C11orf65: variants seen among roughly 807,000 people sequenced by gnomAD.
C11orf65 encodes the protein protein MFI.
A neutral mutation model predicts 35.3 loss-of-function variants in C11orf65; 38 were observed. The ratio of observed to expected loss-of-function variants is 1.08; its 90% confidence interval spans 0.83 to 1.41. The LOEUF is 1.41. Among genes scored for constraint, C11orf65 ranks in the 40% most tolerant of loss-of-function variants. C11orf65 has a pLI of 0.00. For synonymous variants in C11orf65, 105 were observed against 114.4 expected (o/e 0.92, Z 0.53); for missense variants, 370 against 367.1 (o/e 1.01, Z -0.06).
At chr11:108,388,444 T>C (rs964732929) in intron 7 of C11orf65, among the ~76,000 whole-genome samples, 1 of 152,158 alleles carries the variant, frequency 6.6e-6, no homozygotes, top group African/African-American at 2.4e-5. Flanking sequence ...TTATCAAGTG[T>C]GTGTGCAGTC....
intron 2 of C11orf65, among the ~76,000 whole-genome samples, chr11:108,357,878 C>T (rs200143719): frequency 9.9e-5 from 15 of 151,230 alleles, no homozygotes; most frequent in African/African-American, 3.6e-4. Context: ...AACTCTAAAA[C>T]GCAGAGCACC....
intron 2 of C11orf65, among the ~76,000 whole-genome samples, chr11:108,357,091 C>G (rs553013615): frequency 1.4e-4 from 21 of 152,368 alleles, no homozygotes; most frequent in Non-Finnish European, 2.4e-4. Flanking sequence ...GGTGCACGCA[C>G]TGTGCGCGAA....
intron 2 of C11orf65, among the ~76,000 whole-genome samples, chr11:108,377,381 A>C (rs1356121783): frequency 6.6e-6 from 1 of 152,204 alleles, no homozygotes; most frequent in East Asian, 1.9e-4. Flanking sequence ...GACAAAAAAC[A>C]CATGATTATC....
intron 3 of C11orf65, among the ~76,000 whole-genome samples, chr11:108,419,389 C>T (rs2092784333): frequency 6.6e-6 from 1 of 152,174 alleles, no homozygotes; most frequent in South Asian, 2.1e-4. Flanking sequence ...AATTTAGCAT[C>T]TGTTCTTGGA....
downstream of C11orf65, among the ~76,000 whole-genome samples, chr11:108,379,976 C>T (rs1193364819): frequency 6.6e-6 from 1 of 152,142 alleles, no homozygotes; most frequent in African/African-American, 2.4e-5. Context: ...TTACATGAGA[C>T]ATTTGGGAAT....
In C11orf65 at chr11:108,319,900, T is replaced by C. The variant is rs116924981; in HGVS notation, c.641-10829A>G. ...CCTTTGGTGAAGCTATTTATACATG[T>C]ATATCTTAGGGTTCTGTTTTTAAGT... is the stretch of plus-strand genomic sequence containing the variant. On this transcript the variant is annotated intron_variant, in intron 6 of 6. Transcript: ENST00000525729. 6,340 of 1,262,704 alleles carry C rather than the reference T, an allele frequency of 5.0e-3. 26 individuals carry two copies. The highest frequency in any genetic ancestry group is 7.8e-3 in the Middle Eastern group (39 of 4,992). 78.2% of individuals were successfully genotyped at this position (1,262,704 alleles called of 1,614,324 possible).
downstream of C11orf65, among the ~76,000 whole-genome samples, chr11:108,379,533 G>A (rs1320746050): frequency 1.3e-5 from 2 of 151,348 alleles, no homozygotes; most frequent in Non-Finnish European, 2.9e-5. Context: ...GCTAAATGAC[G>A]AGTTAATGGG....
chr11:108,383,380 G>A (rs187309723), intron 8 of C11orf65, among the ~76,000 whole-genome samples: 23 of 152,278 alleles, frequency 1.5e-4, no homozygotes, highest in African/African-American at 3.4e-4. Context: ...AAAAGGCTCT[G>A]CAGGACCTGG....
At chr11:108,380,477 T>A (rs1343820191), downstream of C11orf65, among the ~76,000 whole-genome samples, 1 of 151,414 alleles carries the variant, frequency 6.6e-6, no homozygotes, top group Admixed American at 6.6e-5. Flanking sequence ...ATCACTTTTA[T>A]GCTTACCAGA....
chr11:108,412,602 G>A (rs992594706), intron 3 of C11orf65, among the ~76,000 whole-genome samples: 1 of 152,114 alleles, frequency 6.6e-6, no homozygotes, highest in African/African-American at 2.4e-5. Flanking sequence ...TGGGTGTGGT[G>A]GCATGCACCA....
chr11:108,335,471 A>G (rs1200872789), intron 2 of C11orf65, among the ~76,000 whole-genome samples: 4 of 152,150 alleles, frequency 2.6e-5, no homozygotes, highest in South Asian at 2.1e-4. Flanking sequence ...GTACTGTGCC[A>G]AGTGCTATTT....
chr11:108,397,945 T>C (rs553601725), intron 6 of C11orf65, among the ~76,000 whole-genome samples: 1 of 152,092 alleles, frequency 6.6e-6, no homozygotes, highest in Admixed American at 6.5e-5. Context: ...CCACTGAGTA[T>C]ATAAAAGATC....
intron 2 of C11orf65, chr11:108,368,752 G>A (rs1278339570): frequency 1.4e-5 from 3 of 212,174 alleles, no homozygotes; most frequent in African/African-American, 6.8e-5. Flanking sequence ...ACTTTGTGCA[G>A]GTCATACCTC....
intron 2 of C11orf65, among the ~76,000 whole-genome samples, chr11:108,457,291 T>C (rs1346138633): frequency 1.3e-5 from 2 of 152,132 alleles, no homozygotes; most frequent in South Asian, 2.1e-4. Flanking sequence ...TAAAAGATAA[T>C]TGTACACGCA....
chr11:108,353,471 A>G (rs1031330811), intron 2 of C11orf65, among the ~76,000 whole-genome samples: 3 of 152,128 alleles, frequency 2.0e-5, no homozygotes, highest in South Asian at 2.1e-4. Context: ...ATATAAATAT[A>G]TCATCTCCAT....
intron 6 of C11orf65, among the ~76,000 whole-genome samples, chr11:108,400,147 A>C (rs1331669926): frequency 1.3e-5 from 2 of 152,202 alleles, no homozygotes; most frequent in East Asian, 3.8e-4. Flanking sequence ...AAGGGGTTGG[A>C]ACAGCATGCC....
At chr11:108,404,894 G>A (rs1266547697) in intron 6 of C11orf65, among the ~76,000 whole-genome samples, 3 of 152,184 alleles carry the variant, frequency 2.0e-5, no homozygotes, top group African/African-American at 7.2e-5. Flanking sequence ...AAAAATATTA[G>A]TTATGATGGC....
intron 8 of C11orf65, 147 bp from the exon 9 acceptor site, chr11:108,383,322 T>C (rs2091906926): frequency 3.0e-6 from 2 of 657,200 alleles, no homozygotes; most frequent in African/African-American, 1.9e-5. Context: ...ACCCCAAATT[T>C]CTGAGTTCAT....
At chr11:108,405,018 G>A (rs1339183309) in intron 6 of C11orf65, among the ~76,000 whole-genome samples, 1 of 152,166 alleles carries the variant, frequency 6.6e-6, no homozygotes, top group African/African-American at 2.4e-5. Context: ...AGTAAACAAC[G>A]GGATGTGGCG....
Sources: gnomAD v4.1 joint callset for allele counts (sites outside exome capture counted in the v4.1 genomes callset) on GRCh38, gnomAD v4.1.1 for gene constraint, MANE v1.5 for transcripts, NCBI Gene and HGNC (gene_info 2026-07-23, HGNC 2026-07-21) for gene names.